ABCD3: variants seen among roughly 807,000 people sequenced by gnomAD.
The protein encoded by ABCD3 is ATP binding cassette subfamily D member 3.
In ABCD3, 41 loss-of-function variants were observed where a neutral mutation model predicts 105.5. The ratio of observed to expected loss-of-function variants is 0.39; its 90% confidence interval spans 0.30 to 0.50. The LOEUF (loss-of-function observed/expected upper bound fraction) is 0.50, where lower values mean the gene tolerates loss of function less well. Ranked by LOEUF, ABCD3 falls within the 20% of genes least tolerant of loss-of-function variation. ABCD3 has a pLI of 0.84. For synonymous variants in ABCD3, 258 were observed against 269.0 expected (o/e 0.96, Z 0.40); for missense variants, 622 against 806.3 (o/e 0.77, Z 2.77).
chr1:94,458,527 T>G, intron 1 of ABCD3, 80 bp from the exon 2 acceptor site: 2 of 1,239,932 alleles, frequency 1.6e-6, no homozygotes, highest in Non-Finnish European at 2.4e-6. Flanking sequence ...TAATTTGGTA[T>G]ATTTGACATC....
chr1:94,450,847 C>G (rs563426958), intron 1 of ABCD3, among the ~76,000 whole-genome samples: 2 of 152,260 alleles, frequency 1.3e-5, no homozygotes, highest in African/African-American at 4.8e-5. Context: ...ACAAGTTACC[C>G]TAGAACTTTT....
chr1:94,461,003 T>C (rs1188404805), intron 2 of ABCD3, among the ~76,000 whole-genome samples: 1 of 152,150 alleles, frequency 6.6e-6, no homozygotes, highest in East Asian at 1.9e-4. Context: ...TTTTAGCATA[T>C]ACTTATTTGC....
chr1:94,394,334 T>C, the ABCD3 span, among the ~76,000 whole-genome samples: 5 of 152,314 alleles, frequency 3.3e-5, no homozygotes, highest in Middle Eastern at 3.4e-3. Flanking sequence ...CATAGCCCTG[T>C]AATAAAACAA....
At chr1:94,473,895 T>G (rs1648606839) in intron 5 of ABCD3, 60 bp downstream of exon 5, 1 of 1,334,650 alleles carries the variant, frequency 7.5e-7, no homozygotes, top group African/African-American at 1.5e-5. Context: ...ATTAAAATCT[T>G]TAAGGGTTTT....
chr1:94,408,541 C>A, the ABCD3 span, among the ~76,000 whole-genome samples: 3 of 151,838 alleles, frequency 2.0e-5, no homozygotes, highest in African/African-American at 7.3e-5. Context: ...TTGCAGTGAG[C>A]TGAGATTGCG....
Position 94,483,278 on chromosome 1 carries a change from G to A in ABCD3, c.897+39G>A, listed in dbSNP as rs760764353. ...CTTGAGGTTCATGTGTTTATGGAAA[G>A]GGTTTTTTTTGTTTGTTTGTTTTGC... is the stretch of plus-strand genomic sequence containing the variant. On this transcript the variant is annotated intron_variant, in intron 10 of 22. Coordinates refer to ENST00000370214, the MANE Select transcript of ABCD3 (RefSeq NM_002858.4). 3.2e-6 allele frequency: 5 copies of A among 1,547,892 alleles called. No individual in the cohort carries two copies. In the South Asian group the frequency reaches 3.3e-5, roughly 10 times the overall value.
At position 94,489,722 on chromosome 1, in the gene ABCD3, T is replaced by C. The variant is rs1649439464; in HGVS notation, c.1158-3T>C. ...ATTATGGTTTCCTTTTCTAAAATTTTAGTTTTACTGCTCGGATTACAGAAT... is the reference window on the plus strand; with the variant it reads ...ATTATGGTTTCCTTTTCTAAAATTTCAGTTTTACTGCTCGGATTACAGAAT... On this transcript the variant is annotated splice_region_variant and splice_polypyrimidine_tract_variant and intron_variant, in intron 13 of 22. Transcript: ENST00000370214. 1 of 1,609,966 alleles carries C rather than the reference T, an allele frequency of 6.2e-7. No individual in the cohort carries two copies. Among genetic ancestry groups the C allele is most frequent in the Non-Finnish European group, 8.5e-7 (1 of 1,176,890 alleles).
chr1:94,486,563 A>G (rs996443594), intron 10 of ABCD3, among the ~76,000 whole-genome samples: 1 of 152,206 alleles, frequency 6.6e-6, no homozygotes, highest in African/African-American at 2.4e-5. Context: ...ATTTTAGTGG[A>G]GCAGACAATA....
intron 1 of ABCD3, among the ~76,000 whole-genome samples, chr1:94,425,813 C>G (rs958322461): frequency 1.3e-5 from 2 of 152,096 alleles, no homozygotes; most frequent in African/African-American, 4.8e-5. Flanking sequence ...TTTTGTGCAG[C>G]TACTTGATCT....
At position 94,437,648 on chromosome 1, in the gene ABCD3, A is replaced by G. The variant is rs113625249; in HGVS notation, c.110+19060A>G. Among the ~76,000 whole-genome samples the G allele has an allele frequency of 9.3e-3, 1,424 of 152,346 alleles. 28 individuals are homozygous for G. The highest frequency in any genetic ancestry group is 0.033 in the African/African-American group (1,378 of 41,584). ...TTATACAGCATCCTTTCTGCAGCCC[A>G]TGGATTAAGGAGTAATTTTGACTTT... On this transcript the variant is annotated intron_variant, in intron 1 of 22. Coordinates refer to ENST00000370214, the MANE Select transcript of ABCD3 (RefSeq NM_002858.4).
chr1:94,459,876 T>A (rs1647782631), intron 2 of ABCD3, among the ~76,000 whole-genome samples: 1 of 152,248 alleles, frequency 6.6e-6, no homozygotes, highest in Admixed American at 6.5e-5. Flanking sequence ...TGGCTTTTTA[T>A]GCCTAGCTTC....
intron 1 of ABCD3, among the ~76,000 whole-genome samples, chr1:94,426,313 T>TAA (rs1659467412): frequency 6.6e-6 from 1 of 152,188 alleles, no homozygotes; most frequent in Non-Finnish European, 1.5e-5. Flanking sequence ...CTCCACCTTT[T>TAA]AAAGAGGCAT....
At chr1:94,501,431 G>A (rs77132865) in intron 20 of ABCD3, among the ~76,000 whole-genome samples, 3 of 152,190 alleles carry the variant, frequency 2.0e-5, no homozygotes, top group Non-Finnish European at 4.4e-5. Flanking sequence ...TTCAGAGGGT[G>A]GAAAGGAGAA....
chr1:94,428,425 A>G (rs1659550839), intron 1 of ABCD3, among the ~76,000 whole-genome samples: 1 of 152,242 alleles, frequency 6.6e-6, no homozygotes, highest in Non-Finnish European at 1.5e-5. Flanking sequence ...GGTAAATAAT[A>G]ATTTAGTCAA....
At chr1:94,479,864 A>G (rs376875818) in intron 8 of ABCD3, among the ~76,000 whole-genome samples, 2 of 152,044 alleles carry the variant, frequency 1.3e-5, no homozygotes, top group East Asian at 3.9e-4. Flanking sequence ...TCAATGGGTG[A>G]TGAGGTCACG....
chr1:94,408,255 A>G, the ABCD3 span, among the ~76,000 whole-genome samples: 2 of 152,138 alleles, frequency 1.3e-5, no homozygotes, highest in Non-Finnish European at 2.9e-5. Context: ...AAGACAATAT[A>G]CACCGGGATC....
At chr1:94,480,016 A>G (rs909031624) in intron 8 of ABCD3, among the ~76,000 whole-genome samples, 1 of 152,094 alleles carries the variant, frequency 6.6e-6, no homozygotes, top group Admixed American at 6.6e-5. Flanking sequence ...TCTTGGGTTC[A>G]TAAGAGTGAT....
intron 1 of ABCD3, among the ~76,000 whole-genome samples, chr1:94,432,231 A>G (rs1315963976): frequency 4.6e-5 from 7 of 152,362 alleles, no homozygotes; most frequent in Non-Finnish European, 7.3e-5. Context: ...CTATTACTAC[A>G]AATGCATAGA....
chr1:94,418,665 C>G, intron 1 of ABCD3, 77 bp downstream of exon 1: 1 of 1,446,892 alleles, frequency 6.9e-7, no homozygotes, highest in Non-Finnish European at 9.4e-7. Context: ...CCCACCCGGC[C>G]GACAGGTCTC....
Sources: allele counts gnomAD v4.1 joint callset (sites outside exome capture counted in the v4.1 genomes callset), GRCh38; gene constraint gnomAD v4.1.1; transcripts MANE v1.5; gene names NCBI Gene and HGNC (gene_info 2026-07-23, HGNC 2026-07-21).